Variants in TENM3 observed in about 807,000 individuals in gnomAD.
TENM3 encodes teneurin transmembrane protein 3, also known as teneurin-3.
TENM3 carries 63 observed loss-of-function variants against 255.1 expected under a neutral mutation model. The ratio of observed to expected loss-of-function variants is 0.25; its 90% CI spans 0.20 to 0.30. The LOEUF (loss-of-function observed/expected upper bound fraction) is 0.30, where lower values mean the gene tolerates loss of function less well. Ranked by LOEUF, TENM3 falls within the 10% of genes least tolerant of loss-of-function variation. TENM3 has a pLI of 1.00. For missense variants in TENM3, 2,929 were observed against 3,461.1 expected (o/e 0.85, Z 3.86); for synonymous variants, 1,306 against 1,322.3 (o/e 0.99, Z 0.27).
intron 12 of TENM3, among the ~76,000 whole-genome samples, chr4:182,696,393 G>A (rs555778100): frequency 2.6e-5 from 4 of 152,234 alleles, no homozygotes; most frequent in Admixed American, 2.0e-4. Context: ...CAAAAATATA[G>A]GAAAAATGTT....
At chr4:182,169,212 GC>G (rs1250376899) in intron 1 of TENM3, 1 of 462,388 alleles carries the variant, frequency 2.2e-6, no homozygotes, top group Non-Finnish European at 4.4e-6. Context: ...GATTTTTGAA[GC>G]CTGCAGTCTG....
chr4:182,653,962 C>A lies in TENM3; in HGVS notation c.1111+69C>A. 2.8e-6 allele frequency: 4 copies of A among 1,454,288 alleles called. No individual in the cohort carries two copies. In the South Asian group the frequency reaches 4.4e-5, roughly 16 times the overall value. The allele number at this position is 1,454,288 out of a possible 1,614,324, so 90.1% of individuals were successfully genotyped here. A position where few individuals can be genotyped will look rare whatever the true frequency, so the allele number is the denominator to read the frequency against. On this transcript the variant is annotated intron_variant, in intron 6 of 27. Coordinates refer to ENST00000511685, the MANE Select transcript of TENM3 (RefSeq NM_001080477.4). ...CCTTTTCCATAAATTTATTTTTACCCATGCTTACATCTAGTTTAGATGGAA... is the reference window on the plus strand; with the variant it reads ...CCTTTTCCATAAATTTATTTTTACCAATGCTTACATCTAGTTTAGATGGAA...
chr4:181,627,951 C>A, the TENM3 span, among the ~76,000 whole-genome samples: 1 of 152,174 alleles, frequency 6.6e-6, no homozygotes, highest in African/African-American at 2.4e-5. Context: ...ACAGTCCCAC[C>A]AACAGTGTAA....
the TENM3 span, among the ~76,000 whole-genome samples, chr4:181,498,365 C>T: frequency 6.6e-6 from 1 of 151,924 alleles, no homozygotes; most frequent in Non-Finnish European, 1.5e-5. Context: ...GGTGAAAATC[C>T]CTCAGAACCC....
chr4:181,860,927 G>A, the TENM3 span, among the ~76,000 whole-genome samples: 1 of 152,148 alleles, frequency 6.6e-6, no homozygotes, highest in Non-Finnish European at 1.5e-5. Context: ...TTAATAAAAA[G>A]TATACTCAAA....
At chr4:181,848,881 C>G in the TENM3 span, among the ~76,000 whole-genome samples, 1 of 151,790 alleles carries the variant, frequency 6.6e-6, no homozygotes, top group Non-Finnish European at 1.5e-5. Context: ...AGCCCCAAAC[C>G]TTTTTGCTTC....
chr4:182,100,812 T>C, the TENM3 span, among the ~76,000 whole-genome samples: 93 of 6,540 alleles, frequency 0.014, 18 homozygotes, highest in Non-Finnish European at 0.025. Context: ...TATATACACA[T>C]ATATATACAC....
At chr4:182,179,876 G>A (rs565751735) in intron 1 of TENM3, among the ~76,000 whole-genome samples, 35 of 151,914 alleles carry the variant, frequency 2.3e-4, no homozygotes, top group Admixed American at 5.2e-4. Flanking sequence ...TATGTATGTG[G>A]CTTAGTCAGA....
intron 6 of TENM3, among the ~76,000 whole-genome samples, chr4:182,669,395 G>A (rs71620937): frequency 0.028 from 4,322 of 151,790 alleles, 96 homozygotes; most frequent in Non-Finnish European, 0.041. Context: ...TCAGCCTCCC[G>A]AGTAGCTGGG....
chr4:181,902,187 CA>C, the TENM3 span, among the ~76,000 whole-genome samples: 48,703 of 143,950 alleles, frequency 0.34, 8,659 homozygotes, highest in Middle Eastern at 0.49. Flanking sequence ...TTAAAAGAGC[CA>C]AAAAAAAAAA....
At chr4:182,699,566 C>G (rs1394624777) in intron 12 of TENM3, among the ~76,000 whole-genome samples, 1 of 152,084 alleles carries the variant, frequency 6.6e-6, no homozygotes, top group African/African-American at 2.4e-5. Flanking sequence ...CAGTTATATG[C>G]CAGGCCAGAA....
At chr4:181,749,263 C>G in the TENM3 span, among the ~76,000 whole-genome samples, 344 of 152,028 alleles carry the variant, frequency 2.3e-3, 2 homozygotes, top group African/African-American at 7.7e-3. Context: ...ATAACTCTAA[C>G]ATAAATCTTC....
chr4:181,829,412 A>G, the TENM3 span, among the ~76,000 whole-genome samples: 1 of 152,162 alleles, frequency 6.6e-6, no homozygotes, highest in Non-Finnish European at 1.5e-5. Context: ...GTTAAAGGGG[A>G]TGACCTGCTG....
At chr4:181,617,534 G>T in the TENM3 span, among the ~76,000 whole-genome samples, 2 of 152,134 alleles carry the variant, frequency 1.3e-5, no homozygotes, top group Admixed American at 6.5e-5. Flanking sequence ...GGGAAAGTCC[G>T]GTGCCTACAG....
At chr4:182,267,570 G>C (rs959355143) in intron 1 of TENM3, among the ~76,000 whole-genome samples, 2 of 152,092 alleles carry the variant, frequency 1.3e-5, no homozygotes, top group Non-Finnish European at 2.9e-5. Flanking sequence ...AAGTCCAGAA[G>C]CCTCAAGTTA....
the TENM3 span, among the ~76,000 whole-genome samples, chr4:181,780,558 C>A: frequency 1.3e-5 from 2 of 151,944 alleles, no homozygotes; most frequent in African/African-American, 2.4e-5. Flanking sequence ...ATGAGTAGAT[C>A]GCAAAAATTT....
At position 182,754,733 on chromosome 4, in the gene TENM3, T is replaced by G; in HGVS notation, c.4366T>G (p.Cys1456Gly). 2 of 1,614,044 alleles carry G rather than the reference T, an allele frequency of 1.2e-6. No homozygotes were observed. The highest frequency in any genetic ancestry group is 1.7e-6 in the Non-Finnish European group (2 of 1,179,896). ...GTGTGACTGCAAAAATGATGCCAAC[T>G]GTGACTGTTACCAGAGTGGAGATGG... Reference protein sequence around the residue: ...SECDCKNDANCDCYQSGDGYA... With the variant: ...SECDCKNDANGDCYQSGDGYA... The change falls in exon 22 of 28, where the codon TGT becomes GGT. Residue 1456 changes from cysteine (C) to glycine (G), a missense_variant. By Grantham distance (159) the Cys-to-Gly change is radical. Coordinates refer to ENST00000511685, the MANE Select transcript of TENM3 (RefSeq NM_001080477.4). The surrounding 1 kb of genome is among the most constrained non-coding windows in gnomAD (Gnocchi z 5.1).
At chr4:181,473,301 T>A in the TENM3 span, among the ~76,000 whole-genome samples, 1 of 152,092 alleles carries the variant, frequency 6.6e-6, no homozygotes, top group African/African-American at 2.4e-5. Context: ...AAGAAATCCA[T>A]CCTAGGACTG....
the TENM3 span, among the ~76,000 whole-genome samples, chr4:181,896,277 A>G: frequency 8.5e-5 from 13 of 152,146 alleles, no homozygotes; most frequent in Non-Finnish European, 1.8e-4. Flanking sequence ...TCGTTTCTAT[A>G]AAACTGACCT....
Sources: gnomAD v4.1 joint callset for allele counts (sites outside exome capture counted in the v4.1 genomes callset) on GRCh38, gnomAD v4.1.1 for gene constraint, Gnocchi (gnomAD v3.1) non-coding constraint, MANE v1.5 for transcripts, NCBI Gene and HGNC (gene_info 2026-07-23, HGNC 2026-07-21) for gene names.